Variants in NPTN observed in about 807,000 individuals in gnomAD.
NPTN encodes SDR-1.
NPTN carries 5 observed loss-of-function variants against 42.7 expected under a neutral mutation model. The observed-to-expected ratio is 0.12, with a 90% CI of 0.06 to 0.25. The LOEUF is 0.25. NPTN is among the 10% of genes least tolerant of loss of function. The pLI is 1.00. For missense variants in NPTN, 307 were observed against 525.4 expected (o/e 0.58, Z 4.06); for synonymous variants, 180 against 201.9 (o/e 0.89, Z 0.92).
At position 73,597,451 on chromosome 15, in the gene NPTN, A is replaced by C; in HGVS notation, c.92-82T>G. 4 of 1,078,030 alleles carry C rather than the reference A, an allele frequency of 3.7e-6. No individual in the cohort carries two copies. Among genetic ancestry groups the C allele is most frequent in the Non-Finnish European group, 5.3e-6 (4 of 757,324 alleles). The allele number at this position is 1,078,030 out of a possible 1,614,324, so 66.8% of individuals were successfully genotyped here. ...ATCAACAGGTGTTAATAGTAATTTAAAGAAAAGAAAAGAAAAAAGCAAATG... is the reference window on the plus strand; with the variant it reads ...ATCAACAGGTGTTAATAGTAATTTACAGAAAAGAAAAGAAAAAAGCAAATG... On this transcript the variant is annotated intron_variant, in intron 1 of 8. Coordinates refer to ENST00000345330, the MANE Select transcript of NPTN (RefSeq NM_012428.4). This position sits in a 1 kb window ranked among gnomAD's most constrained non-coding sequence, Gnocchi z 6.3.
At chr15:73,607,430 T>A (rs1897344163) in intron 1 of NPTN, among the ~76,000 whole-genome samples, 1 of 152,188 alleles carries the variant, frequency 6.6e-6, no homozygotes, top group Non-Finnish European at 1.5e-5. Context: ...ATCTCATTCT[T>A]CCATCATCAT....
chr15:73,584,764 TAAAAAAAA>T (rs55815192), intron 4 of NPTN, among the ~76,000 whole-genome samples: 1 of 122,902 alleles, frequency 8.1e-6, no homozygotes, highest in African/African-American at 3.0e-5. Context: ...TTGTGTCCTT[TAAAAAAAA>T]AAAAAAAAAA....
At chr15:73,575,257 A>C (rs1468566503) in intron 4 of NPTN, among the ~76,000 whole-genome samples, 1 of 152,220 alleles carries the variant, frequency 6.6e-6, no homozygotes, top group African/African-American at 2.4e-5. Flanking sequence ...TGTTGGGATT[A>C]CAGGCGTGAG....
chr15:73,632,140 TATC>T (rs1898781622), intron 1 of NPTN, among the ~76,000 whole-genome samples: 1 of 152,098 alleles, frequency 6.6e-6, no homozygotes, highest in African/African-American at 2.4e-5. Context: ...GCCCGACCAA[TATC>T]ATACAGCATT....
At chr15:73,589,825 T>C (rs535606569) in intron 3 of NPTN, among the ~76,000 whole-genome samples, 18 of 151,892 alleles carry the variant, frequency 1.2e-4, no homozygotes, top group Admixed American at 7.8e-4. Context: ...GTCAGTGTCT[T>C]CTCAATGTGA....
At chr15:73,613,764 C>T (rs866630208) in intron 1 of NPTN, among the ~76,000 whole-genome samples, 1 of 152,098 alleles carries the variant, frequency 6.6e-6, no homozygotes, top group African/African-American at 2.4e-5. Flanking sequence ...CAGCTCACTG[C>T]AACCTCTGCC....
At chr15:73,594,307 G>T (rs1394193785) in intron 2 of NPTN, among the ~76,000 whole-genome samples, 1 of 152,150 alleles carries the variant, frequency 6.6e-6, no homozygotes, top group Non-Finnish European at 1.5e-5. Context: ...CTTACCTGTG[G>T]CGATGCAAAT....
rs925818172 is a variant in NPTN at position 73,560,846 on chromosome 15, C to T, written c.*217G>A. ...AAAAAAAGCAACATTCACAGCACAT[C>T]AAGCCCAAAATAGTTTACACCTTCT... On this transcript the variant is annotated 3_prime_UTR_variant, in exon 9 of 9. Coordinates refer to ENST00000345330, the MANE Select transcript of NPTN (RefSeq NM_012428.4). 6.6e-6 allele frequency: 1 copy of T among 152,052 alleles called. No individual in the cohort carries two copies. Among genetic ancestry groups the T allele is most frequent in the Non-Finnish European group, 1.5e-5 (1 of 67,924 alleles). The allele number at this position is 152,052 out of a possible 1,614,324, so 9.4% of individuals were successfully genotyped here. A position where few individuals can be genotyped will look rare whatever the true frequency, so the allele number is the denominator to read the frequency against.
chr15:73,611,714 A>G (rs920643112), intron 1 of NPTN, among the ~76,000 whole-genome samples: 6 of 152,198 alleles, frequency 3.9e-5, no homozygotes, highest in African/African-American at 1.4e-4. Flanking sequence ...TATGCACAAC[A>G]TCAAGAATGA....
chr15:73,620,231 T>C (rs1898068445), intron 1 of NPTN, among the ~76,000 whole-genome samples: 1 of 152,230 alleles, frequency 6.6e-6, no homozygotes, highest in African/African-American at 2.4e-5. Context: ...TTGCAAACCC[T>C]GCTTTAATGC....
intron 4 of NPTN, among the ~76,000 whole-genome samples, chr15:73,586,700 T>C (rs985689316): frequency 6.6e-6 from 1 of 152,232 alleles, no homozygotes; most frequent in Non-Finnish European, 1.5e-5. Flanking sequence ...AGAACAAGTC[T>C]GTGTCCTTAC....
At chr15:73,614,080 C>T (rs951663736) in intron 1 of NPTN, among the ~76,000 whole-genome samples, 5 of 151,342 alleles carry the variant, frequency 3.3e-5, no homozygotes, top group Non-Finnish European at 5.9e-5. Context: ...GGGAGGCTGG[C>T]GCAGGTAGAT....
intron 1 of NPTN, among the ~76,000 whole-genome samples, chr15:73,625,400 G>A (rs1377784067): frequency 6.6e-6 from 1 of 151,934 alleles, no homozygotes; most frequent in Non-Finnish European, 1.5e-5. Context: ...ACCCAGGCTG[G>A]AGTGCAGTGG....
intron 2 of NPTN, among the ~76,000 whole-genome samples, chr15:73,593,861 CA>C (rs1173476539): frequency 6.6e-6 from 1 of 152,142 alleles, no homozygotes; most frequent in Admixed American, 6.5e-5. Flanking sequence ...GCCACTAAGA[CA>C]GAAGCAGATG....
At chr15:73,618,671 T>C (rs893203368) in intron 1 of NPTN, among the ~76,000 whole-genome samples, 1 of 152,140 alleles carries the variant, frequency 6.6e-6, no homozygotes, top group South Asian at 2.1e-4. Context: ...TCTGTCTCTA[T>C]GAAATATTTT....
Position 73,633,270 on chromosome 15 carries a change from G to T in NPTN, c.-55C>A. 9.1e-7 allele frequency: 1 copy of T among 1,104,724 alleles called. No individual in the cohort carries two copies. Among genetic ancestry groups the T allele is most frequent in the Non-Finnish European group, 1.3e-6 (1 of 789,190 alleles). The allele number at this position is 1,104,724 out of a possible 1,614,324, so 68.4% of individuals were successfully genotyped here. ...GGGCCGGGGCCAGAGCCGGGGCCGG[G>T]GAAGGGAGGGGAGGGAGGGAGGGGG... On this transcript the variant is annotated 5_prime_UTR_variant, in exon 1 of 9. Transcript: ENST00000345330.
intron 6 of NPTN, among the ~76,000 whole-genome samples, chr15:73,564,707 C>A (rs16958010): frequency 0.029 from 4,395 of 152,180 alleles, 108 homozygotes; most frequent in African/African-American, 0.066. Context: ...AGCCTAAATT[C>A]TCCCCTCACA....
chr15:73,611,002 G>A (rs531308992), intron 1 of NPTN, among the ~76,000 whole-genome samples: 5 of 152,260 alleles, frequency 3.3e-5, no homozygotes, highest in African/African-American at 4.8e-5. Context: ...ATTTGACTCC[G>A]TTACATATGG....
intron 6 of NPTN, among the ~76,000 whole-genome samples, chr15:73,566,181 C>T (rs938712884): frequency 2.6e-5 from 4 of 152,150 alleles, no homozygotes; most frequent in South Asian, 2.1e-4. Context: ...GACCAGACAC[C>T]GAATGCATGT....
Sources: gnomAD v4.1 joint callset for allele counts (sites outside exome capture counted in the v4.1 genomes callset) on GRCh38, gnomAD v4.1.1 for gene constraint, Gnocchi (gnomAD v3.1) non-coding constraint, MANE v1.5 for transcripts, NCBI Gene and HGNC (gene_info 2026-07-23, HGNC 2026-07-21) for gene names.